CDH13: variants seen among roughly 807,000 people sequenced by gnomAD.
CDH13 encodes cadherin 13.
In CDH13, 24 loss-of-function variants were observed where a neutral mutation model predicts 63.8. That is an observed-to-expected ratio of 0.38 (90% CI 0.27 to 0.53). The LOEUF (loss-of-function observed/expected upper bound fraction) is 0.53, where lower values mean the gene tolerates loss of function less well. Ranked by LOEUF, CDH13 falls within the 20% of genes least tolerant of loss-of-function variation. The pLI, the probability that CDH13 is intolerant of heterozygous loss-of-function variation, is 0.85. For missense variants in CDH13, 1,049 were observed against 903.1 expected, an observed-to-expected ratio of 1.16 and a Z score of -2.07; for synonymous variants, 503 against 355.3, an observed-to-expected ratio of 1.42 and a Z score of -4.67.
At chr16:83,377,158 G>A (rs1372463175) in intron 6 of CDH13, among the ~76,000 whole-genome samples, 8 of 152,044 alleles carry the variant, frequency 5.3e-5, no homozygotes, top group Admixed American at 6.6e-5. Context: ...TCATAAACAC[G>A]ATAAAAGTGA....
intron 6 of CDH13, among the ~76,000 whole-genome samples, chr16:83,416,859 G>A (rs1014089474): frequency 7.9e-5 from 12 of 151,912 alleles, no homozygotes; most frequent in African/African-American, 2.9e-4. Flanking sequence ...AGTAAGATGG[G>A]GATAAAAATA....
chr16:83,247,862 G>C (rs1905121197), intron 5 of CDH13, among the ~76,000 whole-genome samples: 1 of 152,150 alleles, frequency 6.6e-6, no homozygotes, highest in Non-Finnish European at 1.5e-5. Context: ...AGAACAAAAT[G>C]TGCTTCCAAA....
rs181405429 is a variant in CDH13, at chr16:82,949,226, G to A, written c.158-82784G>A. On this transcript the variant is annotated intron_variant, in intron 2 of 13. Coordinates refer to ENST00000567109, the MANE Select transcript of CDH13 (RefSeq NM_001257.5). ...ACTACTTTCAGAGTGTCTAGGGGAG[G>A]ATTCGGCCTCACCTTTTTTAGGTTC... 3.5e-3 allele frequency among the ~76,000 whole-genome samples: 539 copies of A among 152,266 alleles called. 7 individuals carry two copies. The highest frequency in any genetic ancestry group is 0.013 in the African/African-American group (520 of 41,548).
At chr16:83,514,952 T>C (rs928645667) in intron 7 of CDH13, among the ~76,000 whole-genome samples, 1 of 152,178 alleles carries the variant, frequency 6.6e-6, no homozygotes. Context: ...TCCTGGACAC[T>C]GAGATGCCCC....
intron 2 of CDH13, among the ~76,000 whole-genome samples, chr16:82,880,466 G>A (rs2040662035): frequency 6.6e-6 from 1 of 152,182 alleles, no homozygotes; most frequent in African/African-American, 2.4e-5. Context: ...AAGGTGATTT[G>A]AATGGGGGCA....
At chr16:82,943,551 A>G (rs1345256555) in intron 2 of CDH13, among the ~76,000 whole-genome samples, 1 of 152,198 alleles carries the variant, frequency 6.6e-6, no homozygotes, top group Non-Finnish European at 1.5e-5. Flanking sequence ...TCCTTCCATA[A>G]GAGGCTCTGA....
intron 2 of CDH13, among the ~76,000 whole-genome samples, chr16:82,901,612 C>G (rs1032064212): frequency 6.6e-6 from 1 of 151,992 alleles, no homozygotes; most frequent in Non-Finnish European, 1.5e-5. Flanking sequence ...AATAATTGCT[C>G]AATATATTTT....
At chr16:83,328,378 G>T (rs1371352800) in intron 5 of CDH13, among the ~76,000 whole-genome samples, 1 of 152,196 alleles carries the variant, frequency 6.6e-6, no homozygotes, top group African/African-American at 2.4e-5. Context: ...GAACTAGAAT[G>T]ATTTTGGGGA....
At chr16:83,345,136 C>T in intron 6 of CDH13, 130 bp downstream of exon 6, 1 of 1,020,362 alleles carries the variant, frequency 9.8e-7, no homozygotes, top group South Asian at 2.0e-5. Context: ...TTAATACTTC[C>T]CTGCGTAGAA....
intron 2 of CDH13, among the ~76,000 whole-genome samples, chr16:82,893,054 G>C (rs74032733): frequency 0.039 from 5,885 of 152,234 alleles, 391 homozygotes; most frequent in African/African-American, 0.13. Context: ...AAAAAGATGA[G>C]GTCAGACATC....
intron 7 of CDH13, among the ~76,000 whole-genome samples, chr16:83,570,840 T>TTATATATTTATA (rs1491259499): frequency 3.2e-5 from 2 of 61,540 alleles, no homozygotes; most frequent in Non-Finnish European, 9.1e-5. Flanking sequence ...AAATTTATAT[T>TTATATATTTATA]TTTATATATA....
intron 2 of CDH13, among the ~76,000 whole-genome samples, chr16:83,026,528 A>G (rs995921574): frequency 6.6e-6 from 1 of 152,252 alleles, no homozygotes; most frequent in African/African-American, 2.4e-5. Context: ...AATGTAAAGT[A>G]TAGATATACT....
intron 11 of CDH13, among the ~76,000 whole-genome samples, chr16:83,779,674 T>G (rs1304306971): frequency 3.3e-5 from 5 of 151,730 alleles, no homozygotes; most frequent in Non-Finnish European, 7.4e-5. Flanking sequence ...AATACAAAAA[T>G]TATCCTCTTA....
chr16:83,346,879 C>G (rs1048685850), intron 6 of CDH13, among the ~76,000 whole-genome samples: 4 of 152,108 alleles, frequency 2.6e-5, no homozygotes, highest in Non-Finnish European at 2.9e-5. Context: ...AGTTCTCCAG[C>G]AAAACATAAA....
At chr16:83,699,590 G>A (rs1905901294) in intron 10 of CDH13, among the ~76,000 whole-genome samples, 1 of 152,154 alleles carries the variant, frequency 6.6e-6, no homozygotes, top group Admixed American at 6.5e-5. Context: ...GGCATCCCAT[G>A]TCGCCCTTCT....
At chr16:83,214,021 C>T (rs527786594) in intron 4 of CDH13, among the ~76,000 whole-genome samples, 3 of 152,238 alleles carry the variant, frequency 2.0e-5, no homozygotes, top group South Asian at 4.1e-4. Context: ...ATAGACCAAT[C>T]AGCAGGACAT....
chr16:83,186,523 T>A (rs2038530893), intron 4 of CDH13, among the ~76,000 whole-genome samples: 1 of 152,146 alleles, frequency 6.6e-6, no homozygotes. Context: ...CTTTTCGTTG[T>A]CATAGTATTT....
chr16:82,907,890 G>A (rs1213056379), intron 2 of CDH13, among the ~76,000 whole-genome samples: 1 of 152,090 alleles, frequency 6.6e-6, no homozygotes, highest in Non-Finnish European at 1.5e-5. Flanking sequence ...TGCAAACCAT[G>A]GGCTGAGCCC....
At chr16:82,844,572 G>T (rs1365066530) in intron 1 of CDH13, 1 of 148,706 alleles carries the variant, frequency 6.7e-6, no homozygotes, top group Non-Finnish European at 1.5e-5. Flanking sequence ...CTGCACTCCA[G>T]CCTGGGCGAC....
Sources: gnomAD v4.1 joint callset for allele counts (sites outside exome capture counted in the v4.1 genomes callset) on GRCh38, gnomAD v4.1.1 for gene constraint, MANE v1.5 for transcripts, NCBI Gene and HGNC (gene_info 2026-07-23, HGNC 2026-07-21) for gene names.